The following AGBL1 variants were observed in gnomAD, a reference collection of about 807,000 sequenced individuals.
AGBL1 encodes the protein cytosolic carboxypeptidase 4.
Under a neutral mutation model 118.9 loss-of-function variants are expected in AGBL1, and 130 were observed. The ratio of observed to expected loss-of-function variants is 1.09; its 90% CI spans 0.95 to 1.26. AGBL1 has a LOEUF of 1.26. AGBL1 is among the 50% of genes most tolerant of loss of function. The pLI, the probability that AGBL1 is intolerant of heterozygous loss-of-function variation, is 0.00. For missense variants in AGBL1, 1,584 were observed against 1,298.1 expected (o/e 1.22, Z -3.38); for synonymous variants, 555 against 478.9 (o/e 1.16, Z -2.08).
intron 23 of AGBL1, among the ~76,000 whole-genome samples, chr15:86,948,529 T>C (rs1596664528): frequency 1.3e-5 from 2 of 152,336 alleles, no homozygotes; most frequent in East Asian, 3.9e-4. Context: ...TTTGTCTGTT[T>C]TTTGACTGCC....
At chr15:86,958,147 G>A (rs908009624) in intron 23 of AGBL1, among the ~76,000 whole-genome samples, 4 of 150,564 alleles carry the variant, frequency 2.7e-5, no homozygotes, top group Non-Finnish European at 4.4e-5. Context: ...GGAGGCTGCA[G>A]TAAGCTATGA....
intron 22 of AGBL1, among the ~76,000 whole-genome samples, chr15:86,824,204 C>A (rs2078977110): frequency 6.6e-6 from 1 of 151,920 alleles, no homozygotes; most frequent in African/African-American, 2.4e-5. Flanking sequence ...CCCAATACCC[C>A]CCAAAAACTT....
intron 17 of AGBL1, among the ~76,000 whole-genome samples, chr15:86,378,215 C>G (rs1019921327): frequency 1.3e-5 from 2 of 152,148 alleles, no homozygotes; most frequent in African/African-American, 2.4e-5. Flanking sequence ...CTTTTTAGAG[C>G]TGGAGTTACC....
intron 5 of AGBL1, among the ~76,000 whole-genome samples, chr15:86,183,436 G>A (rs1824002676): frequency 6.6e-6 from 1 of 152,126 alleles, no homozygotes; most frequent in South Asian, 2.1e-4. Flanking sequence ...ATTTACACAA[G>A]TAAATAGTGG....
intron 8 of AGBL1, among the ~76,000 whole-genome samples, chr15:86,257,619 C>A (rs1392561125): frequency 6.6e-6 from 1 of 152,170 alleles, no homozygotes; most frequent in African/African-American, 2.4e-5. Context: ...TAACACATTT[C>A]GTTTGTGTGT....
At chr15:86,618,185 A>C (rs1024776941) in intron 21 of AGBL1, among the ~76,000 whole-genome samples, 1 of 152,196 alleles carries the variant, frequency 6.6e-6, no homozygotes, top group African/African-American at 2.4e-5. Context: ...CAGAGAAGAT[A>C]ATTTAAATAA....
intron 17 of AGBL1, among the ~76,000 whole-genome samples, chr15:86,385,507 C>T (rs2081171360): frequency 6.6e-6 from 1 of 152,182 alleles, no homozygotes; most frequent in Admixed American, 6.5e-5. Context: ...TTGAGAAACA[C>T]TTTTCTAGTA....
intron 22 of AGBL1, among the ~76,000 whole-genome samples, chr15:86,825,043 T>C (rs943842474): frequency 1.3e-5 from 2 of 151,612 alleles, no homozygotes; most frequent in African/African-American, 4.9e-5. Flanking sequence ...GGTGACAGAG[T>C]GAGACTCTGT....
At chr15:86,533,965 G>A (rs1228249310) in intron 19 of AGBL1, among the ~76,000 whole-genome samples, 1 of 91,960 alleles carries the variant, frequency 1.1e-5, no homozygotes, top group Non-Finnish European at 2.1e-5. Flanking sequence ...ACTGTGGTGG[G>A]GTGGGGGGAG....
chr15:86,450,137 C>T (rs750842666), intron 18 of AGBL1, among the ~76,000 whole-genome samples: 2 of 152,076 alleles, frequency 1.3e-5, no homozygotes, highest in African/African-American at 2.4e-5. Flanking sequence ...CTAGATAAAT[C>T]GATTGTTGCA....
intron 22 of AGBL1, among the ~76,000 whole-genome samples, chr15:86,805,518 G>A (rs1030219718): frequency 2.9e-4 from 44 of 151,968 alleles, no homozygotes; most frequent in African/African-American, 1.1e-3. Flanking sequence ...GCTCTGTGCT[G>A]TAGACATGTG....
chr15:86,190,826 G>A (rs564687383), intron 5 of AGBL1, among the ~76,000 whole-genome samples: 1 of 152,266 alleles, frequency 6.6e-6, no homozygotes, highest in African/African-American at 2.4e-5. Context: ...TAACAATGTA[G>A]GGGCAAAACC....
At position 86,551,805 on chromosome 15, in the gene AGBL1, C is replaced by T. The variant is rs529659912; in HGVS notation, c.2818-2556C>T. ...AAACAGACAATAGTATTATTCAGTGCTGAAAAGGAATGAGCTATCAAGCCA... is the reference window on the plus strand; with the variant it reads ...AAACAGACAATAGTATTATTCAGTGTTGAAAAGGAATGAGCTATCAAGCCA... On this transcript the variant is annotated intron_variant, in intron 20 of 22. Coordinates refer to ENST00000614907, the MANE Select transcript of AGBL1 (RefSeq NM_001386094.1). Among the ~76,000 whole-genome samples the T allele has an allele frequency of 4.6e-5, 7 of 152,098 alleles. No homozygotes were observed. In the South Asian group the frequency reaches 1.5e-3, roughly 32 times the overall value.
At chr15:86,582,894 T>C (rs904675092) in intron 21 of AGBL1, among the ~76,000 whole-genome samples, 2 of 151,266 alleles carry the variant, frequency 1.3e-5, no homozygotes, top group Middle Eastern at 3.2e-3. Flanking sequence ...ATAGCATTAG[T>C]AGATATACCT....
intron 22 of AGBL1, among the ~76,000 whole-genome samples, chr15:86,764,720 A>C (rs564475148): frequency 6.6e-6 from 1 of 152,080 alleles, no homozygotes; most frequent in Non-Finnish European, 1.5e-5. Flanking sequence ...ACTTTGCCTC[A>C]GATGCTAAAG....
intron 6 of AGBL1, among the ~76,000 whole-genome samples, chr15:86,237,001 T>C (rs986925916): frequency 1.9e-4 from 25 of 133,988 alleles, no homozygotes; most frequent in African/African-American, 7.3e-4. Context: ...GGCAAGAAGA[T>C]GTGGGTGGGC....
intron 5 of AGBL1, among the ~76,000 whole-genome samples, chr15:86,183,405 C>CA (rs2077580320): frequency 2.0e-5 from 3 of 151,978 alleles, no homozygotes; most frequent in Admixed American, 2.0e-4. Context: ...ATAATGAGTC[C>CA]AAAATAGATG....
intron 22 of AGBL1, among the ~76,000 whole-genome samples, chr15:86,709,625 C>G (rs180829730): frequency 6.6e-6 from 1 of 152,090 alleles, no homozygotes; most frequent in Non-Finnish European, 1.5e-5. Context: ...CAAAGAATAG[C>G]CAACACAATC....
intron 15 of AGBL1, among the ~76,000 whole-genome samples, chr15:86,273,685 CT>C (rs1048071440): frequency 1.3e-5 from 2 of 152,196 alleles, no homozygotes; most frequent in African/African-American, 4.8e-5. Context: ...GAGAACTTTA[CT>C]TCCCTATTTC....
Sources: allele counts gnomAD v4.1 joint callset (sites outside exome capture counted in the v4.1 genomes callset), GRCh38; gene constraint gnomAD v4.1.1; transcripts MANE v1.5; gene names NCBI Gene and HGNC (gene_info 2026-07-23, HGNC 2026-07-21).